CTNNA3: variants seen among roughly 807,000 people sequenced by gnomAD.
CTNNA3 encodes catenin alpha 3.
Under a neutral mutation model 95.7 loss-of-function variants are expected in CTNNA3, and 76 were observed. That is an observed-to-expected ratio of 0.79 (90% CI 0.66 to 0.96). The LOEUF is 0.96. CTNNA3 is among the 40% of genes least tolerant of loss of function. The pLI is 0.00. For missense variants in CTNNA3, 1,191 were observed against 1,089.8 expected (o/e 1.09, Z -1.31); for synonymous variants, 431 against 374.4 (o/e 1.15, Z -1.74).
At chr10:67,320,507 T>C (rs995717013) in intron 5 of CTNNA3, among the ~76,000 whole-genome samples, 2 of 152,176 alleles carry the variant, frequency 1.3e-5, no homozygotes, top group Non-Finnish European at 2.9e-5. Flanking sequence ...GCAAGAAATA[T>C]TGGCCAATAT....
At chr10:67,312,164 C>A (rs1470915330) in intron 5 of CTNNA3, among the ~76,000 whole-genome samples, 1 of 151,802 alleles carries the variant, frequency 6.6e-6, no homozygotes, top group Non-Finnish European at 1.5e-5. Context: ...CCTCTGCCTC[C>A]GGGGTTCAAG....
chr10:67,738,464 G>C (rs555219999), intron 1 of CTNNA3, among the ~76,000 whole-genome samples: 1 of 152,258 alleles, frequency 6.6e-6, no homozygotes, highest in African/African-American at 2.4e-5. Flanking sequence ...AAGACCAAAG[G>C]TAGATAAAAC....
chr10:66,414,237 G>A (rs2093129089), intron 11 of CTNNA3, among the ~76,000 whole-genome samples: 1 of 152,080 alleles, frequency 6.6e-6, no homozygotes, highest in South Asian at 2.1e-4. Flanking sequence ...GCTGACTAGG[G>A]AGCATTTTGT....
At chr10:66,076,509 A>G (rs2080564053) in intron 14 of CTNNA3, among the ~76,000 whole-genome samples, 2 of 151,652 alleles carry the variant, frequency 1.3e-5, no homozygotes, top group Non-Finnish European at 3.0e-5. Context: ...CTACATTTTT[A>G]TGTATAGACC....
At chr10:66,861,709 G>GTGGTGGTA (rs1380920739) in intron 7 of CTNNA3, among the ~76,000 whole-genome samples, 1 of 152,176 alleles carries the variant, frequency 6.6e-6, no homozygotes, top group African/African-American at 2.4e-5. Context: ...TTTGAGCTGT[G>GTGGTGGTA]TGGTGGTAGG....
At chr10:66,938,910 T>C (rs1847858852) in intron 7 of CTNNA3, among the ~76,000 whole-genome samples, 1 of 152,170 alleles carries the variant, frequency 6.6e-6, no homozygotes, top group Non-Finnish European at 1.5e-5. Flanking sequence ...TTAAAAGCCA[T>C]ACATTTGTGA....
intron 9 of CTNNA3, among the ~76,000 whole-genome samples, chr10:66,676,758 T>C (rs1846870922): frequency 6.6e-6 from 1 of 152,158 alleles, no homozygotes; most frequent in Admixed American, 6.6e-5. Context: ...CAAGAGATGA[T>C]TTATTCAAAA....
intron 12 of CTNNA3, among the ~76,000 whole-genome samples, chr10:66,366,684 C>G (rs755370747): frequency 1.3e-5 from 2 of 152,128 alleles, no homozygotes; most frequent in Non-Finnish European, 2.9e-5. Context: ...TTGTTTATAA[C>G]TTGCCCAGAC....
chr10:65,935,156 C>T (rs910744774), intron 17 of CTNNA3, among the ~76,000 whole-genome samples: 1 of 152,114 alleles, frequency 6.6e-6, no homozygotes, highest in African/African-American at 2.4e-5. Context: ...TTGGCTACAA[C>T]AGTAGTCCGT....
chr10:66,957,820 T>C (rs1345938628), intron 7 of CTNNA3, among the ~76,000 whole-genome samples: 1 of 152,026 alleles, frequency 6.6e-6, no homozygotes, highest in Non-Finnish European at 1.5e-5. Flanking sequence ...GTCACCAGCA[T>C]TGCAGCCACT....
At chr10:66,742,892 A>G (rs1849374984) in intron 9 of CTNNA3, among the ~76,000 whole-genome samples, 1 of 152,158 alleles carries the variant, frequency 6.6e-6, no homozygotes, top group African/African-American at 2.4e-5. Flanking sequence ...CTTACCTTTT[A>G]ACTATACTGC....
intron 12 of CTNNA3, among the ~76,000 whole-genome samples, chr10:66,296,584 C>G (rs72799174): frequency 0.05 from 7,260 of 146,036 alleles, 261 homozygotes; most frequent in Middle Eastern, 0.096. Context: ...CACACACACA[C>G]AGATCTATAT....
chr10:66,518,515 T>C lies in CTNNA3; in HGVS notation c.1531+2102A>G, dbSNP rs79983312. ...TAAGGTGTTGACTGAATTTACTTTGTGAAGTCTATATGAAGGAGATAGCAA... is the reference window on the plus strand; with the variant it reads ...TAAGGTGTTGACTGAATTTACTTTGCGAAGTCTATATGAAGGAGATAGCAA... On this transcript the variant is annotated intron_variant, in intron 11 of 17. Transcript: ENST00000433211. Among the ~76,000 whole-genome samples the C allele has an allele frequency of 1.0e-2, 1,520 of 152,226 alleles. 31 individuals carry two copies. Among genetic ancestry groups the C allele is most frequent in the African/African-American group, 0.035 (1,444 of 41,524 alleles).
chr10:67,106,650 T>C (rs1414331436), intron 7 of CTNNA3, among the ~76,000 whole-genome samples: 2 of 152,162 alleles, frequency 1.3e-5, no homozygotes, highest in Admixed American at 6.5e-5. Flanking sequence ...TTATATAACA[T>C]ATAGCTATTA....
At chr10:67,695,238 ATCAGTGAC>A (rs1564833752) in intron 1 of CTNNA3, among the ~76,000 whole-genome samples, 1 of 152,216 alleles carries the variant, frequency 6.6e-6, no homozygotes, top group Non-Finnish European at 1.5e-5. Context: ...GTAGGCACAT[ATCAGTGAC>A]TCAAAACCTC....
At chr10:67,573,498 G>A (rs980084729) in intron 3 of CTNNA3, among the ~76,000 whole-genome samples, 35 of 152,184 alleles carry the variant, frequency 2.3e-4, no homozygotes, top group African/African-American at 8.2e-4. Flanking sequence ...CCTATCTTAT[G>A]TGAACTGACA....
At chr10:67,487,384 C>T (rs140640143) in intron 5 of CTNNA3, among the ~76,000 whole-genome samples, 77 of 152,226 alleles carry the variant, frequency 5.1e-4, no homozygotes, top group Non-Finnish European at 8.7e-4. Context: ...ACGCAGCTGG[C>T]CTTTACAGCA....
At chr10:66,056,281 G>GA (rs1247949411) in intron 15 of CTNNA3, among the ~76,000 whole-genome samples, 1 of 152,106 alleles carries the variant, frequency 6.6e-6, no homozygotes, top group African/African-American at 2.4e-5. Context: ...AGAATCTTTT[G>GA]AAATAATTGT....
intron 7 of CTNNA3, among the ~76,000 whole-genome samples, chr10:67,104,055 C>T (rs1858489893): frequency 6.6e-6 from 1 of 150,838 alleles, no homozygotes; most frequent in African/African-American, 2.4e-5. Flanking sequence ...TATAAATTTA[C>T]AGCCAAAATT....
Sources: allele counts gnomAD v4.1 joint callset (sites outside exome capture counted in the v4.1 genomes callset), GRCh38; gene constraint gnomAD v4.1.1; transcripts MANE v1.5; gene names NCBI Gene and HGNC (gene_info 2026-07-23, HGNC 2026-07-21).